The following KLF8 variants were observed in gnomAD, a reference collection of about 807,000 sequenced individuals.
KLF8 encodes Krueppel-like factor 8.
In KLF8, 10 loss-of-function variants were observed where a neutral mutation model predicts 18.2. The ratio of observed to expected loss-of-function variants is 0.55; its 90% CI spans 0.34 to 0.93. The LOEUF (loss-of-function observed/expected upper bound fraction) is 0.93. KLF8 is among the 40% of genes least tolerant of loss of function. The pLI, the probability that KLF8 is intolerant of heterozygous loss-of-function variation, is 0.02. For synonymous variants in KLF8, 109 were observed against 97.3 expected (o/e 1.12, Z -0.71); for missense variants, 264 against 277.9 (o/e 0.95, Z 0.36).
At chrX:56,038,630 G>C in the KLF8 span, among the ~76,000 whole-genome samples, 1 of 112,153 alleles carries the variant, frequency 8.9e-6, no homozygotes, top group Non-Finnish European at 1.9e-5. Flanking sequence ...ATGGGCATTT[G>C]GATTGTTCTT....
At chrX:56,114,379 G>C in the KLF8 span, among the ~76,000 whole-genome samples, 2 of 112,996 alleles carry the variant, frequency 1.8e-5, no homozygotes, top group East Asian at 5.5e-4. Flanking sequence ...ACCTCCTCTA[G>C]TTTTAGATAT....
At chrX:56,273,369 AT>A (rs61319695) in intron 5 of KLF8, among the ~76,000 whole-genome samples, 19,628 of 106,616 alleles carry the variant, frequency 0.18, 3,768 homozygotes, top group African/African-American at 0.57. Flanking sequence ...CAATTAAATG[AT>A]TTTTTTTTTA....
the KLF8 span, among the ~76,000 whole-genome samples, chrX:56,192,514 G>C: frequency 8.9e-6 from 1 of 111,809 alleles, no homozygotes; most frequent in South Asian, 3.6e-4. Context: ...AGCCAAAGCT[G>C]TCCTAACGAA....
At chrX:56,173,942 T>C in the KLF8 span, among the ~76,000 whole-genome samples, 1 of 112,152 alleles carries the variant, frequency 8.9e-6, no homozygotes, top group African/African-American at 3.2e-5. Context: ...TGCACATTGA[T>C]TTTGTATCCT....
chrX:55,959,795 C>A, the KLF8 span, among the ~76,000 whole-genome samples: 2 of 110,878 alleles, frequency 1.8e-5, no homozygotes, highest in African/African-American at 6.6e-5. Context: ...GAAGACAGAG[C>A]AAGCAACTTG....
the KLF8 span, among the ~76,000 whole-genome samples, chrX:56,047,330 T>C: frequency 4.2e-4 from 46 of 109,954 alleles, no homozygotes; most frequent in South Asian, 5.5e-3. Context: ...GTTTGTTACA[T>C]ATGTATACAT....
chrX:56,174,438 GA>G, the KLF8 span, among the ~76,000 whole-genome samples: 1 of 111,859 alleles, frequency 8.9e-6, no homozygotes, highest in African/African-American at 3.3e-5. Context: ...GCATCCCAGG[GA>G]TGAAGCCCAC....
At chrX:56,120,494 A>T in the KLF8 span, among the ~76,000 whole-genome samples, 1 of 111,969 alleles carries the variant, frequency 8.9e-6, no homozygotes, top group South Asian at 3.8e-4. Context: ...TTCCTGCATG[A>T]AGGGCTCAAA....
chrX:56,002,407 A>G, the KLF8 span, among the ~76,000 whole-genome samples: 1 of 60,940 alleles, frequency 1.6e-5, no homozygotes, highest in African/African-American at 9.6e-5. Context: ...TAATTAATCA[A>G]TTTGTGTGTA....
At chrX:56,202,494 C>G in the KLF8 span, among the ~76,000 whole-genome samples, 1 of 109,962 alleles carries the variant, frequency 9.1e-6, no homozygotes, top group Non-Finnish European at 1.9e-5. Flanking sequence ...TATAGTCACC[C>G]TGTTGTGCTA....
At chrX:56,075,750 T>A in the KLF8 span, among the ~76,000 whole-genome samples, 1 of 111,820 alleles carries the variant, frequency 8.9e-6, no homozygotes, top group Admixed American at 9.5e-5. Flanking sequence ...ATCTCACAAA[T>A]AAGTGAGAAC....
At chrX:56,067,737 C>T in the KLF8 span, among the ~76,000 whole-genome samples, 1 of 112,100 alleles carries the variant, frequency 8.9e-6, no homozygotes, top group African/African-American at 3.2e-5. Flanking sequence ...CCCCTTCCCC[C>T]GTCCCCCTCC....
At chrX:55,925,716 G>C in the KLF8 span, among the ~76,000 whole-genome samples, 1 of 111,826 alleles carries the variant, frequency 8.9e-6, no homozygotes, top group African/African-American at 3.3e-5. Flanking sequence ...GAGGTGGAAA[G>C]GCTTGAGCTA....
the KLF8 span, among the ~76,000 whole-genome samples, chrX:56,010,816 G>A: frequency 8.9e-6 from 1 of 111,810 alleles, no homozygotes; most frequent in African/African-American, 3.3e-5. Context: ...TGCAATCTTA[G>A]TTTATGACCA....
the KLF8 span, among the ~76,000 whole-genome samples, chrX:56,097,988 G>T: frequency 9.0e-6 from 1 of 110,678 alleles, no homozygotes; most frequent in African/African-American, 3.3e-5. Flanking sequence ...TAGAGATAGG[G>T]CTTAATAGGA....
chrX:55,949,233 T>C, the KLF8 span, among the ~76,000 whole-genome samples: 43 of 111,222 alleles, frequency 3.9e-4, no homozygotes, highest in Non-Finnish European at 7.7e-4. Context: ...CCAGGCCCCA[T>C]GGACAGTTGT....
the KLF8 span, among the ~76,000 whole-genome samples, chrX:55,998,046 A>G: frequency 2.7e-5 from 3 of 112,048 alleles, no homozygotes; most frequent in African/African-American, 9.7e-5. Context: ...AGGTCTTTGC[A>G]TCATAGACAA....
the KLF8 span, among the ~76,000 whole-genome samples, chrX:56,203,474 G>A: frequency 8.9e-6 from 1 of 112,018 alleles, no homozygotes; most frequent in East Asian, 2.8e-4. Flanking sequence ...CTGTGCTTGT[G>A]GAATATTGCT....
At chrX:56,052,284 C>G in the KLF8 span, among the ~76,000 whole-genome samples, 5 of 112,428 alleles carry the variant, frequency 4.4e-5, no homozygotes, top group African/African-American at 1.6e-4. Flanking sequence ...AAGTCATTCT[C>G]CATCCAGCTT....
Sources: gnomAD v4.1 joint callset for allele counts (sites outside exome capture counted in the v4.1 genomes callset) on GRCh38, gnomAD v4.1.1 for gene constraint, MANE v1.5 for transcripts, NCBI Gene and HGNC (gene_info 2026-07-23, HGNC 2026-07-21) for gene names.